The following RC3H1 variants were observed in gnomAD, a reference collection of about 807,000 sequenced individuals.
RC3H1 encodes roquin-1.
A neutral mutation model predicts 138.2 loss-of-function variants in RC3H1; 50 were observed. The observed-to-expected ratio is 0.36, with a 90% CI of 0.29 to 0.46. RC3H1 has a LOEUF of 0.46. Among genes scored for constraint, RC3H1 ranks in the 20% least tolerant of loss-of-function variants. The pLI is 1.00. For missense variants in RC3H1, 1,031 were observed against 1,388.1 expected, an observed-to-expected ratio of 0.74 and a Z score of 4.09; for synonymous variants, 462 against 489.1, an observed-to-expected ratio of 0.94 and a Z score of 0.73.
chr1:174,015,394 G>T (rs368095410), intron 1 of RC3H1, among the ~76,000 whole-genome samples: 9 of 148,394 alleles, frequency 6.1e-5, no homozygotes, highest in African/African-American at 2.2e-4. Context: ...GACAAGTCTC[G>T]CTCTGTCGCC....
At chr1:173,951,867 TA>T in intron 14 of RC3H1, 118 bp downstream of exon 14, 1 of 861,634 alleles carries the variant, frequency 1.2e-6, no homozygotes, top group Non-Finnish European at 1.7e-6. Flanking sequence ...CTGCAGAGTA[TA>T]GAATATGGTC....
At chr1:174,002,667 T>C (rs1453595670) in intron 1 of RC3H1, among the ~76,000 whole-genome samples, 1 of 152,234 alleles carries the variant, frequency 6.6e-6, no homozygotes, top group East Asian at 1.9e-4. Context: ...TCAAGAGTCA[T>C]ATCTCAATTC....
intron 1 of RC3H1, among the ~76,000 whole-genome samples, chr1:174,014,942 A>G (rs1264100849): frequency 6.6e-6 from 1 of 152,186 alleles, no homozygotes; most frequent in African/African-American, 2.4e-5. Context: ...ATCAGGAGCA[A>G]TACTTTATAT....
intron 7 of RC3H1, among the ~76,000 whole-genome samples, chr1:173,974,278 A>C (rs1358185025): frequency 6.4e-4 from 31 of 48,136 alleles, no homozygotes; most frequent in African/African-American, 2.3e-3. Flanking sequence ...AGACTGTCTC[A>C]AAAAAAAAAA....
chr1:173,973,010 T>A (rs961037012), intron 7 of RC3H1, among the ~76,000 whole-genome samples: 1 of 152,192 alleles, frequency 6.6e-6, no homozygotes, highest in South Asian at 2.1e-4. Flanking sequence ...TGTTATGTGA[T>A]GATGCAAGGC....
chr1:173,976,206 G>A (rs1349448339), intron 7 of RC3H1, among the ~76,000 whole-genome samples: 1 of 152,028 alleles, frequency 6.6e-6, no homozygotes, highest in Non-Finnish European at 1.5e-5. Context: ...GGAGGCTGAG[G>A]CAGGCGGGTC....
intron 7 of RC3H1, among the ~76,000 whole-genome samples, chr1:173,976,530 G>A (rs1331892864): frequency 6.6e-6 from 1 of 152,080 alleles, no homozygotes; most frequent in Non-Finnish European, 1.5e-5. Flanking sequence ...TTAGCTACAT[G>A]GAAGTAATTT....
Position 173,984,617 on chromosome 1 carries a change from G to C in RC3H1, c.234C>G (p.Val78=). ...SALLQLVGAQ[V]PEQQPITLCS... ...ACAAAGTAATAGGCTGCTGCTCAGGGACCTGGAGGCCAAAAGAAAAGATCT... is the reference window on the plus strand; with the variant it reads ...ACAAAGTAATAGGCTGCTGCTCAGGCACCTGGAGGCCAAAAGAAAAGATCT... The change falls in exon 3 of 20, where the codon GTC becomes GTG. Residue 78 remains valine (V), a splice_region_variant and synonymous_variant. Transcript: ENST00000367696. 6.2e-7 allele frequency: 1 copy of C among 1,611,406 alleles called. No individual in the cohort carries two copies. The highest frequency in any genetic ancestry group is 2.2e-5 in the East Asian group (1 of 44,852).
At chr1:173,945,730 CG>C (rs1031376329) in intron 17 of RC3H1, among the ~76,000 whole-genome samples, 3 of 150,646 alleles carry the variant, frequency 2.0e-5, no homozygotes, top group Non-Finnish European at 3.0e-5. Context: ...TTTTTTGAGA[CG>C]GAGTCTCACA....
chr1:173,956,983 G>A (rs776796784), intron 13 of RC3H1, among the ~76,000 whole-genome samples: 1 of 151,242 alleles, frequency 6.6e-6, no homozygotes, highest in Non-Finnish European at 1.5e-5. Flanking sequence ...GTGCGATCTC[G>A]GCTCACTGCA....
At chr1:173,952,966 T>TAC (rs35110373) in intron 13 of RC3H1, among the ~76,000 whole-genome samples, 14,129 of 152,150 alleles carry the variant, frequency 0.093, 869 homozygotes, top group East Asian at 0.22. Flanking sequence ...TCACAAGACA[T>TAC]ACATACACTG....
rs190897394 is a variant in RC3H1, at chr1:173,964,756, T to A, written c.1616+83A>T. ...AAAAATAATCAGGGTTTTTTTTTTT[T>A]AAATCCCAAACATTAATTATTCTAT... On this transcript the variant is annotated intron_variant, in intron 10 of 19. Transcript: ENST00000367696. The A allele has an allele frequency of 3.8e-4, 475 of 1,240,472 alleles. 1 individual carries two copies. The highest frequency in any genetic ancestry group is 1.3e-3 in the East Asian group (55 of 41,480). 76.8% of individuals were successfully genotyped at this position (1,240,472 alleles called of 1,614,324 possible). A position where few individuals can be genotyped will look rare whatever the true frequency, so the allele number is the denominator to read the frequency against.
At chr1:173,957,446 C>A (rs886672693) in intron 13 of RC3H1, among the ~76,000 whole-genome samples, 1 of 152,178 alleles carries the variant, frequency 6.6e-6, no homozygotes, top group Admixed American at 6.5e-5. Flanking sequence ...TCAGTTTTTA[C>A]AATGTCATAT....
At chr1:173,978,646 C>T in intron 6 of RC3H1, 26 bp from the exon 7 acceptor site, 1 of 1,594,284 alleles carries the variant, frequency 6.3e-7, no homozygotes, top group Non-Finnish European at 8.5e-7. Flanking sequence ...TGTTAACTTT[C>T]CCAAAGGTCA....
At chr1:173,959,608 T>C (rs980758432) in intron 13 of RC3H1, among the ~76,000 whole-genome samples, 3 of 151,306 alleles carry the variant, frequency 2.0e-5, no homozygotes, top group African/African-American at 7.3e-5. Context: ...CCGTCTCTAC[T>C]AAAATACAAA....
chr1:174,012,386 A>T (rs552935521), intron 1 of RC3H1, among the ~76,000 whole-genome samples: 3 of 152,220 alleles, frequency 2.0e-5, no homozygotes, highest in Non-Finnish European at 2.9e-5. Flanking sequence ...TAGCTTCTAT[A>T]GATTTAACTT....
chr1:174,007,505 C>T (rs1403235936), intron 1 of RC3H1, among the ~76,000 whole-genome samples: 7 of 151,972 alleles, frequency 4.6e-5, no homozygotes, highest in African/African-American at 1.5e-4. Context: ...GCTTTATCAC[C>T]GAGGCTGGAG....
At chr1:173,946,658 A>C in intron 16 of RC3H1, 50 bp from the exon 17 acceptor site, 1 of 1,603,016 alleles carries the variant, frequency 6.2e-7, no homozygotes, top group Non-Finnish European at 8.5e-7. Context: ...TCATTTTGTT[A>C]ACATATTACT....
At chr1:173,962,539 A>C (rs74126478) in intron 11 of RC3H1, among the ~76,000 whole-genome samples, 4,991 of 152,292 alleles carry the variant, frequency 0.033, 98 homozygotes, top group Middle Eastern at 0.095. Context: ...GCTTGGCTCT[A>C]CAGTTCTTGA....
Sources: allele counts gnomAD v4.1 joint callset (sites outside exome capture counted in the v4.1 genomes callset), GRCh38; gene constraint gnomAD v4.1.1; transcripts MANE v1.5; gene names NCBI Gene and HGNC (gene_info 2026-07-23, HGNC 2026-07-21).